Variants in TRIQK observed in about 807,000 individuals in gnomAD.
TRIQK encodes triple QxxK/R motif containing, also known as triple QxxK/R motif-containing protein.
TRIQK carries 10 observed loss-of-function variants against 10.8 expected under a neutral mutation model. That is an observed-to-expected ratio of 0.92 (90% CI 0.57 to 1.57). TRIQK has a LOEUF of 1.57. Among genes scored for constraint, TRIQK ranks in the 40% most tolerant of loss-of-function variants. The pLI is 0.00. For synonymous variants in TRIQK, 33 were observed against 33.7 expected, an observed-to-expected ratio of 0.98 and a Z score of 0.07; for missense variants, 107 against 97.7, an observed-to-expected ratio of 1.09 and a Z score of -0.40.
At chr8:92,889,443 A>T (rs371449313) in intron 4 of TRIQK, among the ~76,000 whole-genome samples, 1 of 151,792 alleles carries the variant, frequency 6.6e-6, no homozygotes, top group South Asian at 2.1e-4. Flanking sequence ...TATAATCGTT[A>T]TACAGGGATA....
At chr8:92,921,134 C>G (rs1319303032) in intron 2 of TRIQK, among the ~76,000 whole-genome samples, 1 of 151,426 alleles carries the variant, frequency 6.6e-6, no homozygotes, top group Admixed American at 6.6e-5. Flanking sequence ...TTATCCACTG[C>G]TTAATCATTA....
intron 3 of TRIQK, among the ~76,000 whole-genome samples, chr8:92,912,763 A>G (rs1276403226): frequency 1.3e-5 from 2 of 152,154 alleles, no homozygotes; most frequent in East Asian, 3.9e-4. Flanking sequence ...ATATGCAACC[A>G]AGCAAGAATG....
At chr8:93,012,676 C>A (rs781675260) in intron 1 of TRIQK, among the ~76,000 whole-genome samples, 12 of 152,114 alleles carry the variant, frequency 7.9e-5, no homozygotes, top group Non-Finnish European at 1.3e-4. Context: ...TTCACTATCT[C>A]CTAACAAAGT....
chr8:92,910,378 G>A (rs1381813182), intron 3 of TRIQK, among the ~76,000 whole-genome samples: 3 of 150,716 alleles, frequency 2.0e-5, no homozygotes, highest in Non-Finnish European at 4.5e-5. Context: ...AAAAAGGAAT[G>A]GAAAATGTTG....
At chr8:92,956,654 T>C (rs1279070742) in intron 1 of TRIQK, among the ~76,000 whole-genome samples, 2 of 151,842 alleles carry the variant, frequency 1.3e-5, no homozygotes, top group African/African-American at 2.4e-5. Context: ...TATAAAAATG[T>C]AATAAACCTC....
intron 1 of TRIQK, among the ~76,000 whole-genome samples, chr8:92,999,702 T>G (rs759215621): frequency 6.6e-6 from 1 of 152,168 alleles, no homozygotes; most frequent in Non-Finnish European, 1.5e-5. Context: ...TATAAATAAT[T>G]TATTATTTTC....
At chr8:92,923,993 A>T (rs1205611876) in intron 2 of TRIQK, among the ~76,000 whole-genome samples, 2 of 151,996 alleles carry the variant, frequency 1.3e-5, no homozygotes, top group African/African-American at 4.8e-5. Context: ...TTAAATACAT[A>T]TCAAAACACA....
At chr8:93,010,063 A>T (rs28848017) in intron 1 of TRIQK, among the ~76,000 whole-genome samples, 21,455 of 152,112 alleles carry the variant, frequency 0.14, 1,530 homozygotes, top group East Asian at 0.19. Context: ...GGAATCTATA[A>T]AAGTTGATCT....
At chr8:93,016,547 A>G (rs1407495573) in intron 1 of TRIQK, among the ~76,000 whole-genome samples, 1 of 152,238 alleles carries the variant, frequency 6.6e-6, no homozygotes, top group Non-Finnish European at 1.5e-5. Context: ...TTCCACAAAT[A>G]TTTCACTTTT....
chr8:92,973,719 GAGA>G (rs1812899797), intron 1 of TRIQK: 1 of 152,238 alleles, frequency 6.6e-6, no homozygotes, highest in East Asian at 1.9e-4. Context: ...TGCAAAGTGG[GAGA>G]AGGAGAAGGA....
intron 2 of TRIQK, among the ~76,000 whole-genome samples, chr8:92,944,902 C>T (rs931089726): frequency 6.6e-5 from 10 of 151,918 alleles, no homozygotes; most frequent in African/African-American, 1.9e-4. Context: ...ATGGATATGC[C>T]GGCTAAATGC....
At chr8:93,010,328 A>G (rs553623942) in intron 1 of TRIQK, among the ~76,000 whole-genome samples, 1 of 152,262 alleles carries the variant, frequency 6.6e-6, no homozygotes, top group East Asian at 1.9e-4. Context: ...CCATGACTTG[A>G]TCATTACTCA....
intron 4 of TRIQK, among the ~76,000 whole-genome samples, chr8:92,887,978 A>G (rs1451301450): frequency 2.0e-5 from 3 of 151,674 alleles, no homozygotes; most frequent in African/African-American, 7.3e-5. Context: ...TATAATGTCA[A>G]AGGAAAGTGA....
chr8:92,958,188 C>A (rs971238360), intron 1 of TRIQK, among the ~76,000 whole-genome samples: 8 of 151,940 alleles, frequency 5.3e-5, no homozygotes, highest in African/African-American at 1.9e-4. Context: ...CACTAAACTT[C>A]TTTTGATTTT....
At position 92,885,024 on chromosome 8, in the gene TRIQK, G is replaced by T. The variant is rs1485083862; in HGVS notation, c.*1598C>A. 6.6e-6 allele frequency: 3 copies of T among 455,982 alleles called. No homozygotes were observed. The highest frequency in any genetic ancestry group is 6.0e-5 in the African/African-American group (3 of 49,956). 28.2% of individuals were successfully genotyped at this position (455,982 alleles called of 1,614,324 possible). ...AAAATGCCACTTGGATTGGTCCGCTGTGGTGAGTATATAAGAACTCTTGGT... is the reference window on the plus strand; with the variant it reads ...AAAATGCCACTTGGATTGGTCCGCTTTGGTGAGTATATAAGAACTCTTGGT... On this transcript the variant is annotated 3_prime_UTR_variant, in exon 5 of 5. Coordinates refer to ENST00000521988, the MANE Select transcript of TRIQK (RefSeq NM_001171797.2).
At chr8:92,946,956 G>C (rs984988775) in intron 2 of TRIQK, among the ~76,000 whole-genome samples, 1 of 151,108 alleles carries the variant, frequency 6.6e-6, no homozygotes, top group South Asian at 2.1e-4. Context: ...TAGTAGAGAT[G>C]GGGTTTCACC....
intron 1 of TRIQK, among the ~76,000 whole-genome samples, chr8:92,959,508 CACACACACACACACAA>C (rs1023931298): frequency 2.7e-5 from 4 of 149,684 alleles, no homozygotes; most frequent in Non-Finnish European, 6.0e-5. Context: ...CACACACACA[CACACACACACACACAA>C]AATGGCTTTT....
At chr8:92,930,208 C>T (rs1810640630) in intron 2 of TRIQK, among the ~76,000 whole-genome samples, 1 of 150,258 alleles carries the variant, frequency 6.7e-6, no homozygotes, top group South Asian at 2.1e-4. Flanking sequence ...TGAAACACCC[C>T]CCCACCCACG....
intron 2 of TRIQK, among the ~76,000 whole-genome samples, chr8:92,950,199 A>G (rs868326327): frequency 6.6e-6 from 1 of 152,250 alleles, no homozygotes; most frequent in African/African-American, 2.4e-5. Flanking sequence ...TTAGAAAGTA[A>G]GTTTTTTATA....
Sources: allele counts gnomAD v4.1 joint callset (sites outside exome capture counted in the v4.1 genomes callset), GRCh38; gene constraint gnomAD v4.1.1; transcripts MANE v1.5; gene names NCBI Gene and HGNC (gene_info 2026-07-23, HGNC 2026-07-21).